SPATA17: variants seen among roughly 807,000 people sequenced by gnomAD.
SPATA17 encodes the protein spermatogenesis associated 17.
Under a neutral mutation model 62.2 loss-of-function variants are expected in SPATA17, and 53 were observed. The observed-to-expected ratio is 0.85, with a 90% CI of 0.68 to 1.07. The LOEUF (loss-of-function observed/expected upper bound fraction) is 1.07, where lower values mean the gene tolerates loss of function less well. Ranked by LOEUF, SPATA17 falls within the 50% of genes least tolerant of loss-of-function variation. The pLI is 0.00. For synonymous variants in SPATA17, 146 were observed against 146.8 expected, an observed-to-expected ratio of 0.99 and a Z score of 0.04; for missense variants, 466 against 425.5, an observed-to-expected ratio of 1.10 and a Z score of -0.84.
intron 8 of SPATA17, among the ~76,000 whole-genome samples, chr1:217,791,053 A>C (rs1384065796): frequency 6.6e-6 from 1 of 152,242 alleles, no homozygotes; most frequent in Non-Finnish European, 1.5e-5. Flanking sequence ...ATAATGTTTT[A>C]ACAATTCAAC....
intron 8 of SPATA17, among the ~76,000 whole-genome samples, chr1:217,783,047 A>C: frequency 6.7e-6 from 1 of 150,272 alleles, no homozygotes; most frequent in East Asian, 1.9e-4. Context: ...TTATATGCTA[A>C]GTAAGACATT....
chr1:217,784,554 A>C (rs1380748652), intron 8 of SPATA17, among the ~76,000 whole-genome samples: 1 of 152,152 alleles, frequency 6.6e-6, no homozygotes, highest in Non-Finnish European at 1.5e-5. Context: ...AGCCCACCTG[A>C]AACTCTATTT....
At chr1:217,804,700 A>C (rs1005569627) in intron 9 of SPATA17, among the ~76,000 whole-genome samples, 1 of 152,236 alleles carries the variant, frequency 6.6e-6, no homozygotes, top group African/African-American at 2.4e-5. Context: ...GCAAGAAAAC[A>C]AATAACCTCT....
intron 9 of SPATA17, among the ~76,000 whole-genome samples, chr1:217,823,933 G>A (rs1674928308): frequency 6.6e-6 from 1 of 151,710 alleles, no homozygotes; most frequent in Non-Finnish European, 1.5e-5. Context: ...TGCTTTCTTT[G>A]GGTTTCCATT....
At chr1:217,767,649 T>A (rs1673332006) in intron 6 of SPATA17, among the ~76,000 whole-genome samples, 1 of 152,178 alleles carries the variant, frequency 6.6e-6, no homozygotes, top group African/African-American at 2.4e-5. Flanking sequence ...TCCAATCTAC[T>A]AATAAACCCA....
chr1:217,642,777 C>T (rs1281392314), intron 1 of SPATA17, among the ~76,000 whole-genome samples: 2 of 152,188 alleles, frequency 1.3e-5, no homozygotes, highest in Non-Finnish European at 2.9e-5. Flanking sequence ...TTGTAAGTTT[C>T]CTGAGGGCTC....
chr1:217,669,127 G>C, intron 4 of SPATA17, 44 bp downstream of exon 4: 1 of 1,549,504 alleles, frequency 6.5e-7, no homozygotes, highest in South Asian at 1.2e-5. Context: ...AGTCAATTGT[G>C]CCCTGAATTC....
At chr1:217,698,273 A>C (rs1311370760) in intron 5 of SPATA17, among the ~76,000 whole-genome samples, 1 of 152,116 alleles carries the variant, frequency 6.6e-6, no homozygotes, top group Non-Finnish European at 1.5e-5. Context: ...GTCTCTACTA[A>C]AAATACAAAA....
intron 9 of SPATA17, among the ~76,000 whole-genome samples, chr1:217,824,038 T>G (rs1674930289): frequency 6.6e-6 from 1 of 151,990 alleles, no homozygotes; most frequent in African/African-American, 2.4e-5. Context: ...GTAGGCAGCA[T>G]ATAGTTGGGT....
chr1:217,631,484 G>GTCT (rs1415981214), intron 1 of SPATA17, 38 bp downstream of exon 1: 19 of 1,604,554 alleles, frequency 1.2e-5, no homozygotes, highest in Non-Finnish European at 1.5e-5. Context: ...AAGGGCGGGC[G>GTCT]TGACTTTATA....
chr1:217,655,380 T>C (rs1446970407), intron 3 of SPATA17, among the ~76,000 whole-genome samples: 1 of 152,190 alleles, frequency 6.6e-6, no homozygotes, highest in Non-Finnish European at 1.5e-5. Flanking sequence ...TTATGATGCA[T>C]ATGTCATCAG....
chr1:217,674,000 C>T (rs1056229722), intron 4 of SPATA17, among the ~76,000 whole-genome samples: 15 of 152,148 alleles, frequency 9.9e-5, no homozygotes. Context: ...TTCAAAATGA[C>T]ATATATCTTA....
intron 5 of SPATA17, among the ~76,000 whole-genome samples, chr1:217,684,030 T>C (rs2102906868): frequency 6.6e-6 from 1 of 152,256 alleles, no homozygotes; most frequent in Non-Finnish European, 1.5e-5. Context: ...TTGAGAAACA[T>C]GTTCCATAGC....
At chr1:217,798,816 TGACC>T (rs1674221577) in intron 8 of SPATA17, among the ~76,000 whole-genome samples, 1 of 52,190 alleles carries the variant, frequency 1.9e-5, no homozygotes, top group South Asian at 8.8e-4. Context: ...TGCTGAAACT[TGACC>T]TGTACTGATA....
intron 9 of SPATA17, among the ~76,000 whole-genome samples, chr1:217,807,410 A>G (rs1242724660): frequency 6.6e-6 from 1 of 151,492 alleles, no homozygotes; most frequent in African/African-American, 2.4e-5. Context: ...CCCTGAAATG[A>G]AAAAAAAATC....
At chr1:217,694,581 C>G (rs1281608575) in intron 5 of SPATA17, among the ~76,000 whole-genome samples, 1 of 145,470 alleles carries the variant, frequency 6.9e-6, no homozygotes, top group Non-Finnish European at 1.5e-5. Context: ...CAGTTTCTTC[C>G]TAGTCTTGAT....
chr1:217,721,373 G>T (rs1236785636), intron 5 of SPATA17, among the ~76,000 whole-genome samples: 1 of 152,108 alleles, frequency 6.6e-6, no homozygotes, highest in African/African-American at 2.4e-5. Flanking sequence ...ACAGTGGCTG[G>T]TGTCTGCTGC....
Position 217,799,642 on chromosome 1 carries a change from T to G in SPATA17, c.873-2076T>G, listed in dbSNP as rs552893191. On this transcript the variant is annotated intron_variant, in intron 8 of 10. Transcript: ENST00000366933. ...AGAAAATATATTCTTAGGAAAAATA[T>G]TAAGAATTAATTTATTAATAAATAT... is the stretch of plus-strand genomic sequence containing the variant. Among the ~76,000 whole-genome samples the G allele has an allele frequency of 1.9e-4, 29 of 152,106 alleles. 1 individual carries two copies. In the South Asian group the frequency reaches 5.8e-3, roughly 30 times the overall value.
chr1:217,854,971 T>C (rs1675747666), intron 9 of SPATA17, among the ~76,000 whole-genome samples: 1 of 152,244 alleles, frequency 6.6e-6, no homozygotes, highest in Admixed American at 6.5e-5. Flanking sequence ...GGAATACAAC[T>C]GTGAACAAAA....
Sources: allele counts gnomAD v4.1 joint callset (sites outside exome capture counted in the v4.1 genomes callset), GRCh38; gene constraint gnomAD v4.1.1; transcripts MANE v1.5; gene names NCBI Gene and HGNC (gene_info 2026-07-23, HGNC 2026-07-21).